NCAM2: variants seen among roughly 807,000 people sequenced by gnomAD.
NCAM2 encodes the protein neural cell adhesion molecule 2, also known as N-CAM-2.
NCAM2 carries 30 observed loss-of-function variants against 98.1 expected under a neutral mutation model. The ratio of observed to expected loss-of-function variants is 0.31; its 90% CI spans 0.23 to 0.41. NCAM2 has a LOEUF of 0.41. Ranked by LOEUF, NCAM2 falls within the 10% of genes least tolerant of loss-of-function variation. The probability of loss-of-function intolerance (pLI) is 1.00; values close to 1 mark genes in which losing one functional copy is unlikely to be tolerated. For synonymous variants in NCAM2, 368 were observed against 342.4 expected, an observed-to-expected ratio of 1.07 and a Z score of -0.83; for missense variants, 867 against 1,005.8, an observed-to-expected ratio of 0.86 and a Z score of 1.87.
chr21:21,381,099 A>T (rs1267443164), intron 9 of NCAM2, among the ~76,000 whole-genome samples: 1 of 152,220 alleles, frequency 6.6e-6, no homozygotes, highest in Non-Finnish European at 1.5e-5. Flanking sequence ...ATTGACTGTA[A>T]ATCTCCTTAT....
intron 16 of NCAM2, among the ~76,000 whole-genome samples, chr21:21,523,049 TG>T (rs150120250): frequency 0.021 from 3,253 of 152,326 alleles, 119 homozygotes; most frequent in African/African-American, 0.074. Flanking sequence ...TTTGTTGTTT[TG>T]CTATTGAATT....
At chr21:21,433,428 TTTTG>T (rs2077386864) in intron 12 of NCAM2, among the ~76,000 whole-genome samples, 1 of 151,974 alleles carries the variant, frequency 6.6e-6, no homozygotes, top group African/African-American at 2.4e-5. Flanking sequence ...TTAAATTTTG[TTTTG>T]TTTTATTTTA....
At chr21:21,213,564 G>A (rs1301579346) in intron 1 of NCAM2, among the ~76,000 whole-genome samples, 5 of 152,102 alleles carry the variant, frequency 3.3e-5, no homozygotes, top group Non-Finnish European at 7.4e-5. Context: ...TAATGCTTTA[G>A]AGATATGTCA....
At chr21:21,384,444 A>T (rs1485116165) in intron 9 of NCAM2, among the ~76,000 whole-genome samples, 2 of 151,812 alleles carry the variant, frequency 1.3e-5, no homozygotes, top group African/African-American at 4.8e-5. Flanking sequence ...TTCTTATAGT[A>T]TTTCTTTACA....
intron 1 of NCAM2, among the ~76,000 whole-genome samples, chr21:21,093,775 C>T (rs1051761770): frequency 6.6e-6 from 1 of 152,036 alleles, no homozygotes; most frequent in African/African-American, 2.4e-5. Flanking sequence ...TGCCTCCAAA[C>T]CCAGCAGCAT....
chr21:21,071,616 AAAAT>A (rs1406805141), intron 1 of NCAM2, among the ~76,000 whole-genome samples: 1 of 152,210 alleles, frequency 6.6e-6, no homozygotes, highest in Non-Finnish European at 1.5e-5. Flanking sequence ...GTTAAATTGA[AAAAT>A]AAAGTTAGAA....
intron 5 of NCAM2, among the ~76,000 whole-genome samples, chr21:21,299,387 A>G (rs2073623992): frequency 6.6e-6 from 1 of 151,808 alleles, no homozygotes; most frequent in Admixed American, 6.6e-5. Context: ...GGTGAAAGTA[A>G]TAAAGCAGAG....
At chr21:21,022,557 C>T (rs2064459311) in intron 1 of NCAM2, among the ~76,000 whole-genome samples, 1 of 152,036 alleles carries the variant, frequency 6.6e-6, no homozygotes, top group African/African-American at 2.4e-5. Context: ...ACTGCTAAAA[C>T]TGTTATACTA....
chr21:21,020,643 C>T (rs191342866), intron 1 of NCAM2, among the ~76,000 whole-genome samples: 2 of 152,158 alleles, frequency 1.3e-5, no homozygotes, highest in Admixed American at 1.3e-4. Context: ...TGCTCTCCCT[C>T]GGGACTTGGC....
chr21:21,422,629 T>C (rs2077133833), intron 11 of NCAM2, among the ~76,000 whole-genome samples: 2 of 152,138 alleles, frequency 1.3e-5, no homozygotes, highest in South Asian at 4.1e-4. Context: ...AAGTAATCTT[T>C]CTATGTTGTT....
At chr21:21,161,682 A>T (rs8130978) in intron 1 of NCAM2, among the ~76,000 whole-genome samples, 152,053 of 152,054 alleles carry the variant, frequency 1, 76,026 homozygotes, top group Middle Eastern at 1. Flanking sequence ...CCTATTAGTG[A>T]CATATACATG....
At chr21:21,353,332 G>A (rs994079462) in intron 8 of NCAM2, among the ~76,000 whole-genome samples, 1 of 152,110 alleles carries the variant, frequency 6.6e-6, no homozygotes, top group African/African-American at 2.4e-5. Context: ...TAGCTACAAA[G>A]TTTACTCTAA....
At position 21,508,808 on chromosome 21, in the gene NCAM2, CTTTTTTTTTTTTTTTTTTTTTTT is replaced by C. The variant is rs764097299; in HGVS notation, c.2078-33_2078-11del. The C allele has an allele frequency of 2.5e-6, 1 of 404,442 alleles. No individual in the cohort carries two copies. Among genetic ancestry groups the C allele is most frequent in the African/African-American group, 3.5e-5 (1 of 28,872 alleles). 25.1% of individuals were successfully genotyped at this position (404,442 alleles called of 1,614,324 possible). A position where few individuals can be genotyped will look rare whatever the true frequency, so the allele number is the denominator to read the frequency against. On this transcript the variant is annotated intron_variant, in intron 15 of 17. Transcript: ENST00000400546. Reference sequence around the variant, plus strand: ...ATTTAGAGGTTTAATACTTTTTTTCCTTTTTTTTTTTTTTTTTTTTTTTTTTTTTTTTACTTTTTAAGACACGC... The same window carrying C: ...ATTTAGAGGTTTAATACTTTTTTTCCTTTTTTTTTACTTTTTAAGACACGC...
chr21:21,290,433 T>C (rs1287978095), intron 4 of NCAM2, among the ~76,000 whole-genome samples: 1 of 151,936 alleles, frequency 6.6e-6, no homozygotes, highest in Non-Finnish European at 1.5e-5. Flanking sequence ...GGACCACTTA[T>C]GAGTTATCTT....
chr21:21,346,436 G>C (rs1269627757), intron 8 of NCAM2, among the ~76,000 whole-genome samples: 1 of 151,984 alleles, frequency 6.6e-6, no homozygotes, highest in Non-Finnish European at 1.5e-5. Context: ...ATAATAGCTG[G>C]AGACTTCAAC....
chr21:21,351,055 A>C (rs1416989961), intron 8 of NCAM2, among the ~76,000 whole-genome samples: 1 of 136,060 alleles, frequency 7.3e-6, no homozygotes, highest in Non-Finnish European at 1.5e-5. Context: ...CGGAGGTTGC[A>C]GTGAGCTGAG....
intron 5 of NCAM2, among the ~76,000 whole-genome samples, chr21:21,311,771 T>G (rs1182407139): frequency 9.1e-6 from 1 of 109,672 alleles, no homozygotes; most frequent in Non-Finnish European, 1.9e-5. Context: ...TTGGAGCTGT[T>G]GTACATTTTT....
chr21:21,187,337 A>C (rs952218352), intron 1 of NCAM2, among the ~76,000 whole-genome samples: 3 of 152,158 alleles, frequency 2.0e-5, no homozygotes, highest in African/African-American at 7.2e-5. Flanking sequence ...CATCATTTTA[A>C]AATTATACTT....
At chr21:21,277,414 A>G (rs545595798) in intron 1 of NCAM2, among the ~76,000 whole-genome samples, 1 of 152,162 alleles carries the variant, frequency 6.6e-6, no homozygotes, top group Admixed American at 6.6e-5. Context: ...TATTGATACC[A>G]TAGATGGGTC....
Sources: allele counts gnomAD v4.1 joint callset (sites outside exome capture counted in the v4.1 genomes callset), GRCh38; gene constraint gnomAD v4.1.1; transcripts MANE v1.5; gene names NCBI Gene and HGNC (gene_info 2026-07-23, HGNC 2026-07-21).